Variants in DOCK4 observed in about 807,000 individuals in gnomAD.
DOCK4 encodes dedicator of cytokinesis protein 4.
A neutral mutation model predicts 268.1 loss-of-function variants in DOCK4; 97 were observed. That is an observed-to-expected ratio of 0.36 (90% CI 0.31 to 0.43). The LOEUF (loss-of-function observed/expected upper bound fraction) is 0.43, where lower values mean the gene tolerates loss of function less well. DOCK4 is among the 20% of genes least tolerant of loss of function. The pLI is 1.00. For missense variants in DOCK4, 2,145 were observed against 2,455.7 expected, an observed-to-expected ratio of 0.87 and a Z score of 2.67; for synonymous variants, 954 against 887.2, an observed-to-expected ratio of 1.08 and a Z score of -1.34.
In DOCK4 at chr7:111,741,489, A is replaced by G. The variant is rs115045507; in HGVS notation, c.4919+51T>C. 1,940 of 1,598,730 alleles carry G rather than the reference A, an allele frequency of 1.2e-3. 27 individuals carry two copies. The African/African-American group carries it at 0.024, about 20-fold the overall frequency. ...ATAAAGAATGAGAGAACCATTCCAG[A>G]TCAGCTTGCGGGTGAGGCCAAATTG... On this transcript the variant is annotated intron_variant, in intron 46 of 52. Transcript: ENST00000428084.
chr7:111,997,767 C>G (rs1229506978), intron 4 of DOCK4, among the ~76,000 whole-genome samples: 2 of 152,170 alleles, frequency 1.3e-5, no homozygotes, highest in African/African-American at 4.8e-5. Context: ...ATGTTTGTGT[C>G]TAAATCCATG....
At chr7:112,111,771 G>T (rs1811673894) in intron 1 of DOCK4, among the ~76,000 whole-genome samples, 1 of 152,134 alleles carries the variant, frequency 6.6e-6, no homozygotes, top group Non-Finnish European at 1.5e-5. Flanking sequence ...GCCTAACCTG[G>T]AATTGTCAGA....
chr7:111,861,619 G>T (rs1055248200), intron 23 of DOCK4, among the ~76,000 whole-genome samples: 1 of 151,696 alleles, frequency 6.6e-6, no homozygotes, highest in Non-Finnish European at 1.5e-5. Flanking sequence ...GATGGTGGGT[G>T]CCTATAATCC....
At position 111,883,429 on chromosome 7, in the gene DOCK4, C is replaced by T. The variant is rs116411028; in HGVS notation, c.1588-6243G>A. ...GCCCAGACACTCTGTCCTGCTATTT[C>T]CAGGCCTCCTCCTCAGGATTTGGAG... On this transcript the variant is annotated intron_variant, in intron 16 of 52. Transcript: ENST00000428084. Among the ~76,000 whole-genome samples the T allele has an allele frequency of 4.0e-3, 603 of 152,258 alleles. 2 individuals carry two copies. Among genetic ancestry groups the T allele is most frequent in the East Asian group, 0.02 (105 of 5,192 alleles).
At chr7:111,809,692 A>G (rs1800938945) in intron 28 of DOCK4, among the ~76,000 whole-genome samples, 2 of 152,336 alleles carry the variant, frequency 1.3e-5, no homozygotes, top group African/African-American at 4.8e-5. Flanking sequence ...TCCAGGTTTC[A>G]CGAGCTTTTT....
Position 111,915,907 on chromosome 7 carries a change from A to G in DOCK4, c.1067-3T>C. The G allele has an allele frequency of 6.2e-7, 1 of 1,609,648 alleles. No homozygotes were observed. The highest frequency in any genetic ancestry group is 8.5e-7 in the Non-Finnish European group (1 of 1,178,038). ...TAGCTGTAAGGAAACTGCTAAACCTAAAACAGATGAGAGATACCCGAGTTA... is the reference window on the plus strand; with the variant it reads ...TAGCTGTAAGGAAACTGCTAAACCTGAAACAGATGAGAGATACCCGAGTTA... On this transcript the variant is annotated splice_region_variant and splice_polypyrimidine_tract_variant and intron_variant, in intron 12 of 52. Transcript: ENST00000428084.
chr7:112,162,306 G>A (rs1322218405), intron 1 of DOCK4, among the ~76,000 whole-genome samples: 1 of 151,930 alleles, frequency 6.6e-6, no homozygotes, highest in Non-Finnish European at 1.5e-5. Flanking sequence ...ACTCTGCAGG[G>A]CCTGGGCTGG....
At chr7:111,861,967 G>A (rs1428728541) in intron 23 of DOCK4, among the ~76,000 whole-genome samples, 1 of 151,936 alleles carries the variant, frequency 6.6e-6, no homozygotes, top group Non-Finnish European at 1.5e-5. Context: ...GCCTAGACAG[G>A]AGGACCTTGA....
intron 11 of DOCK4, 129 bp downstream of exon 11, chr7:111,939,981 G>C: frequency 1.1e-6 from 1 of 900,556 alleles, no homozygotes; most frequent in Non-Finnish European, 1.7e-6. Context: ...ACAGATTACT[G>C]GGTTTTTGAG....
chr7:111,926,202 G>A (rs746284347), intron 12 of DOCK4, among the ~76,000 whole-genome samples: 20 of 146,964 alleles, frequency 1.4e-4, no homozygotes, highest in Non-Finnish European at 4.4e-5. Flanking sequence ...GGCAGATCAC[G>A]AGGTCAGGAG....
At chr7:112,038,636 T>C (rs966403188) in intron 1 of DOCK4, among the ~76,000 whole-genome samples, 6 of 152,184 alleles carry the variant, frequency 3.9e-5, no homozygotes, top group Non-Finnish European at 8.8e-5. Context: ...CTCAGTGTCA[T>C]TAAGTGTGTG....
intron 1 of DOCK4, among the ~76,000 whole-genome samples, chr7:112,194,335 T>G (rs1304970219): frequency 6.6e-6 from 1 of 152,168 alleles, no homozygotes; most frequent in Non-Finnish European, 1.5e-5. Context: ...GAGAGCAGAA[T>G]TTTTACCTTA....
intron 8 of DOCK4, among the ~76,000 whole-genome samples, chr7:111,959,267 A>G (rs1400911765): frequency 6.6e-6 from 1 of 152,106 alleles, no homozygotes; most frequent in Non-Finnish European, 1.5e-5. Flanking sequence ...TGCCGTCTCC[A>G]TCTATTTTTG....
intron 1 of DOCK4, among the ~76,000 whole-genome samples, chr7:112,165,575 T>A (rs1175306440): frequency 2.0e-5 from 3 of 151,348 alleles, no homozygotes; most frequent in Non-Finnish European, 4.4e-5. Flanking sequence ...TGTGTGTGTA[T>A]CCCATTTCTT....
rs1015925982 is a variant in DOCK4 at position 111,783,770 on chromosome 7, G to A, written c.3524+87C>T. Reference sequence around the variant, plus strand: ...TGATAATCAATTGAGTGATTCACAAGAGTGGAACGTTGATTGTATTCTATT... The same window carrying A: ...TGATAATCAATTGAGTGATTCACAAAAGTGGAACGTTGATTGTATTCTATT... On this transcript the variant is annotated intron_variant, in intron 34 of 52. Coordinates refer to ENST00000428084, the MANE Select transcript of DOCK4 (RefSeq NM_001363540.2). The A allele has an allele frequency of 7.7e-6, 9 of 1,173,158 alleles. No homozygotes were observed. In the African/African-American group the frequency reaches 1.4e-4, roughly 18 times the overall value. The allele number at this position is 1,173,158 out of a possible 1,614,324, so 72.7% of individuals were successfully genotyped here.
intron 8 of DOCK4, among the ~76,000 whole-genome samples, chr7:111,951,624 C>CAT (rs1167934386): frequency 7.7e-6 from 1 of 129,698 alleles, no homozygotes; most frequent in Non-Finnish European, 1.6e-5. Context: ...CTTGGGTCAA[C>CAT]ATATTGGAAA....
At chr7:111,750,615 T>C (rs1268028436) in intron 42 of DOCK4, among the ~76,000 whole-genome samples, 1 of 152,192 alleles carries the variant, frequency 6.6e-6, no homozygotes, top group Non-Finnish European at 1.5e-5. Context: ...GTGTAATGTC[T>C]CAGAAATCTC....
intron 1 of DOCK4, among the ~76,000 whole-genome samples, chr7:112,070,007 T>C (rs1807443950): frequency 6.6e-6 from 1 of 152,220 alleles, no homozygotes; most frequent in Non-Finnish European, 1.5e-5. Flanking sequence ...GGAGTTCCGA[T>C]CTTAGCCAGA....
intron 17 of DOCK4, 127 bp from the exon 18 acceptor site, chr7:111,872,691 G>A: frequency 1.5e-6 from 1 of 682,572 alleles, no homozygotes; most frequent in East Asian, 2.7e-5. Context: ...TCAAGTTGCA[G>A]GCTCCCACAA....
Sources: gnomAD v4.1 joint callset for allele counts (sites outside exome capture counted in the v4.1 genomes callset) on GRCh38, gnomAD v4.1.1 for gene constraint, MANE v1.5 for transcripts, NCBI Gene and HGNC (gene_info 2026-07-23, HGNC 2026-07-21) for gene names.